Variants in HTR7 observed in about 807,000 individuals in gnomAD.
HTR7 encodes the protein 5-HT-7.
A neutral mutation model predicts 34.0 loss-of-function variants in HTR7; 16 were observed. The ratio of observed to expected loss-of-function variants is 0.47; its 90% CI spans 0.32 to 0.71. The LOEUF (loss-of-function observed/expected upper bound fraction) is 0.71. Ranked by LOEUF, HTR7 falls within the 30% of genes least tolerant of loss-of-function variation. The pLI is 0.04. For missense variants in HTR7, 504 were observed against 625.5 expected (o/e 0.81, Z 2.07); for synonymous variants, 265 against 260.2 (o/e 1.02, Z -0.18).
At chr10:90,817,662 A>G (rs983515317) in intron 1 of HTR7, among the ~76,000 whole-genome samples, 1 of 152,242 alleles carries the variant, frequency 6.6e-6, no homozygotes, top group Non-Finnish European at 1.5e-5. Flanking sequence ...CTGTGACTCA[A>G]GATTTTCCTG....
intron 2 of HTR7, among the ~76,000 whole-genome samples, chr10:90,745,906 C>G (rs947039382): frequency 6.6e-6 from 1 of 152,180 alleles, no homozygotes; most frequent in African/African-American, 2.4e-5. Flanking sequence ...TTAAAGTTTG[C>G]TGACCTCTGT....
chr10:90,794,757 C>T (rs1589453015), intron 1 of HTR7, among the ~76,000 whole-genome samples: 1 of 152,184 alleles, frequency 6.6e-6, no homozygotes, highest in African/African-American at 2.4e-5. Flanking sequence ...CCTACCTCAG[C>T]CTCCCAAAGT....
At chr10:90,827,867 T>C (rs774465013) in intron 1 of HTR7, among the ~76,000 whole-genome samples, 19 of 152,180 alleles carry the variant, frequency 1.2e-4, no homozygotes, top group Admixed American at 7.9e-4. Flanking sequence ...ATGGACCAAA[T>C]TGACCTAACA....
rs1234182348 is a variant in HTR7 at position 90,749,467 on chromosome 10, G to A, written c.667C>T (p.Gln223Ter). ...CACACCTTATCATCATTTACATTCT[G>A]AGCCCATCCAAAGAGTGGAGGTAAG... ...ITLPPLFGWAQNVNDDKVCLI... is the reference protein window; with the variant it reads ...ITLPPLFGWA The change falls in exon 2 of 4, where the codon CAG becomes TAG. Residue 223 changes from glutamine to a stop codon, truncating the protein, a stop_gained. Coordinates refer to ENST00000336152, the MANE Select transcript of HTR7 (RefSeq NM_019859.4). LOFTEE classifies it high-confidence loss of function. The surrounding 1 kb of genome is among the most constrained non-coding windows in gnomAD (Gnocchi z 4.2). The A allele has an allele frequency of 1.2e-6, 2 of 1,614,024 alleles. No homozygotes were observed. The highest frequency in any genetic ancestry group is 1.7e-6 in the Non-Finnish European group (2 of 1,180,024).
chr10:90,768,530 T>C (rs1209233307), intron 1 of HTR7, among the ~76,000 whole-genome samples: 1 of 152,196 alleles, frequency 6.6e-6, no homozygotes, highest in Non-Finnish European at 1.5e-5. Context: ...AATACAAATA[T>C]GTTCTTATCT....
intron 1 of HTR7, among the ~76,000 whole-genome samples, chr10:90,782,564 C>T (rs1845321094): frequency 6.6e-6 from 1 of 152,048 alleles, no homozygotes; most frequent in African/African-American, 2.4e-5. Flanking sequence ...CATCACCTTT[C>T]CTATACTTCA....
Position 90,826,733 on chromosome 10 carries a change from C to T in HTR7, c.539+30400G>A, listed in dbSNP as rs564357924. On this transcript the variant is annotated intron_variant, in intron 1 of 3. Coordinates refer to ENST00000336152, the MANE Select transcript of HTR7 (RefSeq NM_019859.4). ...CGGGCGGATCACGAGCTCAGGAGATCGAGACCATCCTGGCTAACATGGTGA... is the reference window on the plus strand; with the variant it reads ...CGGGCGGATCACGAGCTCAGGAGATTGAGACCATCCTGGCTAACATGGTGA... Among the ~76,000 whole-genome samples, 11 of 151,728 alleles carry T rather than the reference C, an allele frequency of 7.2e-5. No individual in the cohort carries two copies. The East Asian group carries it at 1.8e-3, about 24-fold the overall frequency.
chr10:90,840,190 C>T (rs1393941596), intron 1 of HTR7, among the ~76,000 whole-genome samples: 2 of 151,006 alleles, frequency 1.3e-5, no homozygotes, highest in African/African-American at 4.9e-5. Context: ...CACACACACA[C>T]ACACACACAC....
At chr10:90,848,827 A>G (rs1256120470) in intron 1 of HTR7, among the ~76,000 whole-genome samples, 12 of 152,252 alleles carry the variant, frequency 7.9e-5, no homozygotes, top group Admixed American at 7.8e-4. Flanking sequence ...GTAAGATCCC[A>G]AGACCAGAAG....
At chr10:90,837,001 A>G (rs1001113258) in intron 1 of HTR7, among the ~76,000 whole-genome samples, 3 of 152,208 alleles carry the variant, frequency 2.0e-5, no homozygotes, top group Non-Finnish European at 4.4e-5. Context: ...CTTAAACCTC[A>G]GTCCCAGGTC....
chr10:90,791,208 C>T (rs1280727336), intron 1 of HTR7, among the ~76,000 whole-genome samples: 1 of 151,686 alleles, frequency 6.6e-6, no homozygotes, highest in African/African-American at 2.4e-5. Context: ...AATACCTGAA[C>T]ACAAGAAGGT....
intron 1 of HTR7, among the ~76,000 whole-genome samples, chr10:90,794,270 A>G (rs1219805293): frequency 2.6e-5 from 4 of 152,142 alleles, no homozygotes; most frequent in Non-Finnish European, 5.9e-5. Flanking sequence ...GCACCAACAT[A>G]CAAGGAGCCG....
chr10:90,835,231 C>T (rs529075585), intron 1 of HTR7, among the ~76,000 whole-genome samples: 3 of 152,184 alleles, frequency 2.0e-5, no homozygotes, highest in Non-Finnish European at 4.4e-5. Flanking sequence ...ATAAGCTAAA[C>T]CATCCCCATG....
Position 90,857,610 on chromosome 10 carries a change from A to T in HTR7, c.62T>A (p.Leu21Gln), listed in dbSNP as rs2120147320. The T allele has an allele frequency of 6.3e-7, 1 of 1,599,694 alleles. No homozygotes were observed. The highest frequency in any genetic ancestry group is 2.3e-5 in the East Asian group (1 of 44,220). ...GGGCAGCCCGCGCCCCACTTCTGGC[A>T]GAAGGAAAGAGCGGAGGTGCCCGTA... ...DLYGHLRSFL[L>Q]PEVGRGLPDL... The change falls in exon 1 of 4, where the codon CTG becomes CAG. Residue 21 changes from leucine to glutamine, a missense_variant. By Grantham distance (113) the Leu-to-Gln change is moderately radical. This residue lies in a region of HTR7 where 139 missense variants were observed against 117.1 expected (regional missense o/e 1.19). Coordinates refer to ENST00000336152, the MANE Select transcript of HTR7 (RefSeq NM_019859.4). The surrounding 1 kb of genome is among the most constrained non-coding windows in gnomAD (Gnocchi z 6.5).
chr10:90,807,117 A>G (rs1845717416), intron 1 of HTR7, among the ~76,000 whole-genome samples: 1 of 152,234 alleles, frequency 6.6e-6, no homozygotes, highest in African/African-American at 2.4e-5. Flanking sequence ...TGCATTTTAA[A>G]TACGACAGAG....
At chr10:90,811,184 A>G (rs1845802518) in intron 1 of HTR7, among the ~76,000 whole-genome samples, 1 of 152,156 alleles carries the variant, frequency 6.6e-6, no homozygotes, top group African/African-American at 2.4e-5. Context: ...TTCTTACACA[A>G]GGACCGGGAT....
Position 90,748,850 on chromosome 10 carries a change from A to T in HTR7, c.1284T>A (p.Pro428=). 2 of 1,612,418 alleles carry T rather than the reference A, an allele frequency of 1.2e-6. No individual in the cohort carries two copies. Among genetic ancestry groups the T allele is most frequent in the Non-Finnish European group, 1.7e-6 (2 of 1,179,358 alleles). ...ATAAATGACCTTACAGCACAAACTC[A>T]GGTCTCTCTGGCCTCTCAGCAAGCT... ...ALKLAERPER[P]EFVLRACTRR... The change falls in exon 2 of 4, where the codon CCT becomes CCA. Residue 428 remains proline (P), a synonymous_variant. Transcript: ENST00000336152.
intron 1 of HTR7, among the ~76,000 whole-genome samples, chr10:90,856,089 C>T (rs909704236): frequency 7.7e-5 from 9 of 116,524 alleles, no homozygotes; most frequent in African/African-American, 2.9e-4. Flanking sequence ...AATTATTTCC[C>T]CTAGGCTGAA....
At chr10:90,806,086 G>A (rs888526605) in intron 1 of HTR7, among the ~76,000 whole-genome samples, 3 of 152,224 alleles carry the variant, frequency 2.0e-5, no homozygotes, top group South Asian at 2.1e-4. Context: ...ACTAAGATGC[G>A]TTTTGGTAAA....
Sources: allele counts gnomAD v4.1 joint callset (sites outside exome capture counted in the v4.1 genomes callset), GRCh38; gene constraint gnomAD v4.1.1; regional missense constraint gnomAD v4.1.1; non-coding constraint Gnocchi (gnomAD v3.1); transcripts MANE v1.5; gene names NCBI Gene and HGNC (gene_info 2026-07-23, HGNC 2026-07-21).